DSCAM: variants seen among roughly 807,000 people sequenced by gnomAD.
The protein encoded by DSCAM is DS cell adhesion molecule.
DSCAM carries 47 observed loss-of-function variants against 217.7 expected under a neutral mutation model. The observed-to-expected ratio is 0.22, with a 90% CI of 0.17 to 0.28. The LOEUF is 0.28. Among genes scored for constraint, DSCAM ranks in the 10% least tolerant of loss-of-function variants. The pLI, the probability that DSCAM is intolerant of heterozygous loss-of-function variation, is 1.00. For missense variants in DSCAM, 2,080 were observed against 2,618.3 expected (o/e 0.79, Z 4.49); for synonymous variants, 1,056 against 1,015.3 (o/e 1.04, Z -0.76).
At chr21:40,055,337 G>A (rs2088997293) in intron 29 of DSCAM, among the ~76,000 whole-genome samples, 2 of 152,116 alleles carry the variant, frequency 1.3e-5, no homozygotes, top group South Asian at 4.2e-4. Context: ...TGATGAGGGG[G>A]GCACGGAGTG....
intron 3 of DSCAM, among the ~76,000 whole-genome samples, chr21:40,642,037 T>C (rs2146342796): frequency 1.1e-5 from 1 of 92,048 alleles, no homozygotes; most frequent in Middle Eastern, 5.4e-3. Flanking sequence ...ACAGAGACTC[T>C]GTCTCAAAAA....
chr21:40,191,593 A>G (rs1252571945), intron 11 of DSCAM, among the ~76,000 whole-genome samples: 1 of 152,204 alleles, frequency 6.6e-6, no homozygotes, highest in Non-Finnish European at 1.5e-5. Flanking sequence ...TCAGTTGTAC[A>G]CTTAATATTG....
intron 4 of DSCAM, among the ~76,000 whole-genome samples, chr21:40,364,774 A>G (rs2074813221): frequency 6.8e-6 from 1 of 147,992 alleles, no homozygotes. Context: ...ATATATATAT[A>G]TATATACACA....
chr21:40,368,400 T>C (rs144819346), intron 4 of DSCAM, among the ~76,000 whole-genome samples: 2 of 152,100 alleles, frequency 1.3e-5, no homozygotes, highest in Non-Finnish European at 2.9e-5. Context: ...AAAGAACAGA[T>C]AAAGAAACAA....
At chr21:40,245,444 A>C (rs1432907047) in intron 11 of DSCAM, among the ~76,000 whole-genome samples, 1 of 152,172 alleles carries the variant, frequency 6.6e-6, no homozygotes, top group Non-Finnish European at 1.5e-5. Flanking sequence ...AGCCCAGTCC[A>C]TCATAGCTTG....
At chr21:40,751,565 T>C (rs1464544806) in intron 1 of DSCAM, among the ~76,000 whole-genome samples, 2 of 152,232 alleles carry the variant, frequency 1.3e-5, no homozygotes, top group South Asian at 2.1e-4. Flanking sequence ...TCTGTGATTC[T>C]AATTACATAA....
chr21:40,717,162 T>C (rs925348402), intron 1 of DSCAM, among the ~76,000 whole-genome samples: 2 of 152,220 alleles, frequency 1.3e-5, no homozygotes, highest in Non-Finnish European at 2.9e-5. Flanking sequence ...TTCATTTATC[T>C]TGGAAACACT....
intron 3 of DSCAM, among the ~76,000 whole-genome samples, chr21:40,658,443 A>G (rs1285636311): frequency 6.6e-6 from 1 of 152,216 alleles, no homozygotes; most frequent in Non-Finnish European, 1.5e-5. Flanking sequence ...AAGAGTAAAC[A>G]CCATGTTGAA....
At chr21:40,427,819 A>G (rs1250801949) in intron 3 of DSCAM, among the ~76,000 whole-genome samples, 2 of 152,178 alleles carry the variant, frequency 1.3e-5, no homozygotes, top group Non-Finnish European at 2.9e-5. Context: ...TCTTCCTGTG[A>G]GCTTTGATTG....
intron 3 of DSCAM, among the ~76,000 whole-genome samples, chr21:40,634,342 C>A (rs1186749722): frequency 6.6e-6 from 1 of 152,210 alleles, no homozygotes; most frequent in African/African-American, 2.4e-5. Context: ...CAGCCTCTGT[C>A]TGCACACAGA....
intron 32 of DSCAM, 119 bp downstream of exon 32, chr21:40,042,252 T>A (rs2088764361): frequency 9.7e-7 from 1 of 1,031,258 alleles, no homozygotes; most frequent in African/African-American, 1.6e-5. Context: ...TATGCAGCCA[T>A]CCATAAACAG....
intron 9 of DSCAM, among the ~76,000 whole-genome samples, chr21:40,301,819 T>C (rs1344063408): frequency 1.3e-5 from 2 of 152,226 alleles, no homozygotes; most frequent in East Asian, 3.9e-4. Context: ...AAACGGAGCA[T>C]GGCTAAGTTA....
chr21:40,138,875 G>C (rs980678207), intron 18 of DSCAM, among the ~76,000 whole-genome samples: 1 of 145,574 alleles, frequency 6.9e-6, no homozygotes, highest in Non-Finnish European at 1.5e-5. Flanking sequence ...GCATGTATAT[G>C]TGGGGTGTGT....
chr21:40,822,748 A>G (rs891149737), intron 1 of DSCAM, among the ~76,000 whole-genome samples: 2 of 152,212 alleles, frequency 1.3e-5, no homozygotes, highest in African/African-American at 4.8e-5. Context: ...GGGTATATAC[A>G]ATATGTAAAC....
chr21:40,413,476 T>G (rs1039136187), intron 3 of DSCAM, among the ~76,000 whole-genome samples: 2 of 152,210 alleles, frequency 1.3e-5, no homozygotes, highest in African/African-American at 4.8e-5. Flanking sequence ...ATTTTGGAGC[T>G]TTAAGATTTG....
At chr21:40,106,835 A>G (rs1221598319) in intron 20 of DSCAM, among the ~76,000 whole-genome samples, 1 of 150,876 alleles carries the variant, frequency 6.6e-6, no homozygotes, top group Admixed American at 6.6e-5. Context: ...ATTTATTCTG[A>G]TTGTACTTGT....
intron 3 of DSCAM, among the ~76,000 whole-genome samples, chr21:40,512,397 C>T (rs924049349): frequency 1.3e-5 from 2 of 152,194 alleles, no homozygotes; most frequent in South Asian, 2.1e-4. Context: ...TATTACTTCA[C>T]GTCATTGGAA....
intron 1 of DSCAM, among the ~76,000 whole-genome samples, chr21:40,739,254 A>T (rs1009445109): frequency 1.3e-5 from 2 of 151,548 alleles, no homozygotes; most frequent in Non-Finnish European, 2.9e-5. Flanking sequence ...TGCTGGGGGG[A>T]GGTGGGGGCC....
At chr21:40,085,537 C>T in intron 23 of DSCAM, 65 bp downstream of exon 23, 1 of 1,350,282 alleles carries the variant, frequency 7.4e-7, no homozygotes, top group Non-Finnish European at 9.7e-7. Flanking sequence ...TTGTTCAGTG[C>T]TACTTTTTGC....
Sources: allele counts gnomAD v4.1 joint callset (sites outside exome capture counted in the v4.1 genomes callset), GRCh38; gene constraint gnomAD v4.1.1; transcripts MANE v1.5; gene names NCBI Gene and HGNC (gene_info 2026-07-23, HGNC 2026-07-21).